The following SGCD variants were observed in gnomAD, a reference collection of about 807,000 sequenced individuals.
SGCD encodes sarcoglycan delta.
In SGCD, 18 loss-of-function variants were observed where a neutral mutation model predicts 36.6. That is an observed-to-expected ratio of 0.49 (90% CI 0.34 to 0.73). The LOEUF (loss-of-function observed/expected upper bound fraction) is 0.73. Ranked by LOEUF, SGCD falls within the 30% of genes least tolerant of loss-of-function variation. The probability of loss-of-function intolerance (pLI) is 0.01; values close to 1 mark genes in which losing one functional copy is unlikely to be tolerated. For synonymous variants in SGCD, 133 were observed against 130.6 expected, an observed-to-expected ratio of 1.02 and a Z score of -0.12; for missense variants, 387 against 346.7, an observed-to-expected ratio of 1.12 and a Z score of -0.92.
At chr5:156,404,145 C>G (rs1316552215) in intron 3 of SGCD, among the ~76,000 whole-genome samples, 1 of 152,156 alleles carries the variant, frequency 6.6e-6, no homozygotes, top group African/African-American at 2.4e-5. Flanking sequence ...TTCCTCACCT[C>G]TCTTTCACCC....
chr5:156,646,565 T>A (rs544610672), intron 6 of SGCD, among the ~76,000 whole-genome samples: 1 of 152,246 alleles, frequency 6.6e-6, no homozygotes, highest in Admixed American at 6.5e-5. Flanking sequence ...TATAACAATG[T>A]AAGAGGATTA....
At chr5:156,166,584 TG>T (rs1763222306) in intron 3 of SGCD, among the ~76,000 whole-genome samples, 1 of 152,232 alleles carries the variant, frequency 6.6e-6, no homozygotes, top group African/African-American at 2.4e-5. Flanking sequence ...CCTCCCACAG[TG>T]CTGGGATTGC....
intron 3 of SGCD, among the ~76,000 whole-genome samples, chr5:156,481,015 T>A (rs1374028204): frequency 6.6e-6 from 1 of 152,174 alleles, no homozygotes; most frequent in Admixed American, 6.5e-5. Flanking sequence ...ATTATCACAG[T>A]TTTGAACATA....
the SGCD span, among the ~76,000 whole-genome samples, chr5:155,734,962 C>A: frequency 3.9e-5 from 6 of 152,096 alleles, no homozygotes; most frequent in African/African-American, 1.4e-4. Context: ...TCTGTATCTG[C>A]CATTCAGTCT....
chr5:156,280,139 C>T (rs1258031670), intron 3 of SGCD, among the ~76,000 whole-genome samples: 2 of 152,012 alleles, frequency 1.3e-5, no homozygotes, highest in Non-Finnish European at 2.9e-5. Flanking sequence ...CAACAGTATG[C>T]ATTTTTGCCT....
rs552488210 is a variant in SGCD, at chr5:156,425,974, C to T, written c.192+81297C>T. On this transcript the variant is annotated intron_variant, in intron 3 of 8. Transcript: ENST00000337851. Reference sequence around the variant, plus strand: ...CCACTCATTGGCTGATGGGTATTTACGTTGGTTTCATATTTTTGCAATTGT... The same window carrying T: ...CCACTCATTGGCTGATGGGTATTTATGTTGGTTTCATATTTTTGCAATTGT... 1.4e-4 allele frequency among the ~76,000 whole-genome samples: 22 copies of T among 152,080 alleles called. No individual in the cohort carries two copies. The South Asian group carries it at 1.5e-3, about 10-fold the overall frequency.
At chr5:156,454,476 G>A (rs115879567) in intron 3 of SGCD, among the ~76,000 whole-genome samples, 2 of 152,204 alleles carry the variant, frequency 1.3e-5, no homozygotes, top group Non-Finnish European at 2.9e-5. Flanking sequence ...TTTATACTTT[G>A]TTGGAGACAA....
At chr5:155,774,661 A>T in the SGCD span, among the ~76,000 whole-genome samples, 1 of 152,012 alleles carries the variant, frequency 6.6e-6, no homozygotes, top group African/African-American at 2.4e-5. Context: ...TGCTTCTGGT[A>T]CCACATCACC....
intron 3 of SGCD, among the ~76,000 whole-genome samples, chr5:156,445,747 A>G (rs1002270666): frequency 6.6e-6 from 1 of 152,144 alleles, no homozygotes; most frequent in Non-Finnish European, 1.5e-5. Context: ...GGATTTATCC[A>G]TGTAAAACTG....
chr5:155,980,637 A>T (rs13153517), intron 1 of SGCD, among the ~76,000 whole-genome samples: 3 of 119,260 alleles, frequency 2.5e-5, no homozygotes, highest in African/African-American at 9.4e-5. Flanking sequence ...AAAAAAAAAA[A>T]GAGTTCTTAC....
intron 1 of SGCD, among the ~76,000 whole-genome samples, chr5:155,949,675 C>T (rs1757514304): frequency 6.6e-6 from 1 of 152,032 alleles, no homozygotes; most frequent in African/African-American, 2.4e-5. Context: ...TTTCAGTGTC[C>T]ATCAGTGCAG....
At chr5:156,152,837 CCAAT>C (rs929025884) in intron 3 of SGCD, among the ~76,000 whole-genome samples, 2 of 151,324 alleles carry the variant, frequency 1.3e-5, no homozygotes, top group Non-Finnish European at 2.9e-5. Context: ...TATCCTTTGA[CCAAT>C]CAATCAATAT....
At chr5:155,737,165 G>A in the SGCD span, among the ~76,000 whole-genome samples, 9 of 152,114 alleles carry the variant, frequency 5.9e-5, no homozygotes, top group Non-Finnish European at 7.3e-5. Context: ...ATAAAACAAT[G>A]AGCTTGAAAA....
intron 4 of SGCD, among the ~76,000 whole-genome samples, chr5:156,534,021 T>G (rs1388998788): frequency 6.6e-6 from 1 of 152,214 alleles, no homozygotes; most frequent in East Asian, 1.9e-4. Flanking sequence ...TAGGTGTTCA[T>G]GTCAATCAAT....
chr5:155,970,333 C>T (rs1253509730), intron 1 of SGCD, among the ~76,000 whole-genome samples: 1 of 152,086 alleles, frequency 6.6e-6, no homozygotes, highest in Non-Finnish European at 1.5e-5. Context: ...CTCTCTCTGA[C>T]AACAACTTTC....
intron 3 of SGCD, among the ~76,000 whole-genome samples, chr5:156,441,501 A>G (rs367554765): frequency 6.6e-6 from 1 of 152,214 alleles, no homozygotes; most frequent in African/African-American, 2.4e-5. Flanking sequence ...ATTCTTTACT[A>G]ATCATTACAT....
intron 7 of SGCD, among the ~76,000 whole-genome samples, chr5:156,671,295 C>G (rs1226031679): frequency 8.1e-6 from 1 of 123,520 alleles, no homozygotes; most frequent in Non-Finnish European, 1.6e-5. Context: ...TTTTTTGAGA[C>G]AGAGTCTCGC....
chr5:155,854,488 T>A, the SGCD span, among the ~76,000 whole-genome samples: 1 of 152,212 alleles, frequency 6.6e-6, no homozygotes, highest in Non-Finnish European at 1.5e-5. Flanking sequence ...TTTTAATTTC[T>A]ATGGAAAATT....
chr5:156,677,653 A>C (rs1050225875), intron 7 of SGCD, among the ~76,000 whole-genome samples: 1 of 152,036 alleles, frequency 6.6e-6, no homozygotes, highest in African/African-American at 2.4e-5. Flanking sequence ...AAACCTGCAC[A>C]TTGTGCACAT....
Sources: gnomAD v4.1 joint callset for allele counts (sites outside exome capture counted in the v4.1 genomes callset) on GRCh38, gnomAD v4.1.1 for gene constraint, MANE v1.5 for transcripts, NCBI Gene and HGNC (gene_info 2026-07-23, HGNC 2026-07-21) for gene names.